DACH1: variants seen among roughly 807,000 people sequenced by gnomAD.
DACH1 encodes dachshund homolog 1.
DACH1 carries 12 observed loss-of-function variants against 54.2 expected under a neutral mutation model. The ratio of observed to expected loss-of-function variants is 0.22; its 90% CI spans 0.14 to 0.36. The LOEUF is 0.36. DACH1 is among the 10% of genes least tolerant of loss of function. The pLI is 1.00. For synonymous variants in DACH1, 386 were observed against 366.2 expected (o/e 1.05, Z -0.62); for missense variants, 805 against 929.8 (o/e 0.87, Z 1.75).
At chr13:71,582,115 AC>A (rs1872892638) in intron 3 of DACH1, among the ~76,000 whole-genome samples, 1 of 152,164 alleles carries the variant, frequency 6.6e-6, no homozygotes, top group African/African-American at 2.4e-5. Context: ...GTGTATTTCT[AC>A]TATAAACCAT....
intron 6 of DACH1, among the ~76,000 whole-genome samples, chr13:71,514,776 T>C (rs1881037166): frequency 6.6e-6 from 1 of 151,926 alleles, no homozygotes; most frequent in Admixed American, 6.6e-5. Context: ...AGCTTAGTTA[T>C]TCAAAATGAA....
intron 3 of DACH1, among the ~76,000 whole-genome samples, chr13:71,594,810 T>A (rs1281822438): frequency 1.3e-5 from 2 of 152,164 alleles, no homozygotes; most frequent in African/African-American, 4.8e-5. Flanking sequence ...AAAACATATG[T>A]CTCTTAATTC....
intron 6 of DACH1, among the ~76,000 whole-genome samples, chr13:71,528,779 A>G (rs1882196629): frequency 6.6e-6 from 1 of 152,138 alleles, no homozygotes; most frequent in South Asian, 2.1e-4. Context: ...ACTAAAGATA[A>G]TAACTTCCAC....
chr13:71,642,359 C>A (rs772799622), intron 2 of DACH1, among the ~76,000 whole-genome samples: 2 of 152,170 alleles, frequency 1.3e-5, no homozygotes, highest in African/African-American at 4.8e-5. Context: ...ACAAAAGCTT[C>A]GTGAGAAACA....
intron 10 of DACH1, among the ~76,000 whole-genome samples, chr13:71,468,347 T>C (rs1011040222): frequency 6.6e-6 from 1 of 152,166 alleles, no homozygotes; most frequent in Non-Finnish European, 1.5e-5. Context: ...ATCTTCACAA[T>C]GACCTTTTGA....
intron 6 of DACH1, among the ~76,000 whole-genome samples, chr13:71,494,786 C>A (rs532988046): frequency 4.0e-4 from 60 of 151,686 alleles, no homozygotes; most frequent in African/African-American, 1.4e-3. Flanking sequence ...TAATAGAAAA[C>A]AAAATGAGAA....
chr13:71,584,923 T>C (rs908878827), intron 3 of DACH1, among the ~76,000 whole-genome samples: 2 of 152,028 alleles, frequency 1.3e-5, no homozygotes, highest in African/African-American at 4.8e-5. Context: ...TTTAAATATA[T>C]ATATATATCC....
chr13:71,819,686 G>T (rs1298491094), intron 1 of DACH1, among the ~76,000 whole-genome samples: 1 of 152,094 alleles, frequency 6.6e-6, no homozygotes, highest in Non-Finnish European at 1.5e-5. Flanking sequence ...AAGGTGTAAA[G>T]GCTCTGTTTC....
intron 6 of DACH1, among the ~76,000 whole-genome samples, chr13:71,550,961 A>G (rs1883775391): frequency 6.6e-6 from 1 of 152,136 alleles, no homozygotes; most frequent in South Asian, 2.1e-4. Context: ...TACAAGTGAA[A>G]ATACTCATGG....
intron 1 of DACH1, among the ~76,000 whole-genome samples, chr13:71,831,292 T>TA (rs1193152198): frequency 4.0e-5 from 6 of 151,822 alleles, no homozygotes; most frequent in African/African-American, 1.4e-4. Flanking sequence ...TTTCTCATGT[T>TA]AAAATGCCCC....
At chr13:71,677,483 G>C (rs1880645060) in intron 2 of DACH1, among the ~76,000 whole-genome samples, 2 of 152,002 alleles carry the variant, frequency 1.3e-5, no homozygotes, top group South Asian at 4.2e-4. Context: ...AATTCCACAA[G>C]CAATCTCAAA....
At chr13:71,501,317 A>G (rs1879894474) in intron 6 of DACH1, among the ~76,000 whole-genome samples, 1 of 152,164 alleles carries the variant, frequency 6.6e-6, no homozygotes, top group Non-Finnish European at 1.5e-5. Flanking sequence ...ACATATACGC[A>G]TATATGAAAA....
At chr13:71,757,344 T>C (rs1885208228) in intron 1 of DACH1, among the ~76,000 whole-genome samples, 1 of 152,084 alleles carries the variant, frequency 6.6e-6, no homozygotes, top group African/African-American at 2.4e-5. Flanking sequence ...GCATTTTCTT[T>C]GGAGCTTTAG....
At chr13:71,694,621 A>C (rs1881724628) in intron 1 of DACH1, among the ~76,000 whole-genome samples, 1 of 152,218 alleles carries the variant, frequency 6.6e-6, no homozygotes, top group South Asian at 2.1e-4. Context: ...GAGTTGGAGA[A>C]GTCATTGGCA....
chr13:71,666,473 T>C (rs1879841925), intron 2 of DACH1, among the ~76,000 whole-genome samples: 1 of 152,230 alleles, frequency 6.6e-6, no homozygotes, highest in South Asian at 2.1e-4. Flanking sequence ...AAAAATTATT[T>C]CTAAAAAGTA....
intron 1 of DACH1, among the ~76,000 whole-genome samples, chr13:71,779,241 ATATACG>A (rs1338552718): frequency 0.046 from 4,738 of 102,010 alleles, 394 homozygotes; most frequent in African/African-American, 0.16. Context: ...ATATACACAT[ATATACG>A]TATATACGTA....
rs187845220 is a variant in DACH1 at position 71,622,284 on chromosome 13, T to C, written c.1126+8272A>G. 1.9e-3 allele frequency among the ~76,000 whole-genome samples: 286 copies of C among 152,068 alleles called. 1 individual carries two copies. Among genetic ancestry groups the C allele is most frequent in the African/African-American group, 6.4e-3 (267 of 41,544 alleles). On this transcript the variant is annotated intron_variant, in intron 3 of 10. Transcript: ENST00000613252. ...GACAGGTGCATTGGGCTCAGAGTTA[T>C]AAGCTTGTGTGCACACATTCAAAAC...
chr13:71,744,111 C>T (rs1315752269), intron 1 of DACH1, among the ~76,000 whole-genome samples: 3 of 152,116 alleles, frequency 2.0e-5, no homozygotes, highest in Non-Finnish European at 2.9e-5. Flanking sequence ...AATAAATTGA[C>T]TTGGTGCAGT....
intron 2 of DACH1, among the ~76,000 whole-genome samples, chr13:71,646,693 T>TATATAAGAAAATAGGAAAATA (rs1472662157): frequency 2.0e-5 from 3 of 152,224 alleles, no homozygotes; most frequent in African/African-American, 7.2e-5. Flanking sequence ...TACCATTTAG[T>TATATAAGAAAATAGGAAAATA]GGAAAATAGA....
Sources: gnomAD v4.1 joint callset for allele counts (sites outside exome capture counted in the v4.1 genomes callset) on GRCh38, gnomAD v4.1.1 for gene constraint, MANE v1.5 for transcripts, NCBI Gene and HGNC (gene_info 2026-07-23, HGNC 2026-07-21) for gene names.